Variants in CEACAM21 observed in about 807,000 individuals in gnomAD.
CEACAM21 encodes CEA cell adhesion molecule 21.
CEACAM21 carries 38 observed loss-of-function variants against 33.2 expected under a neutral mutation model. The ratio of observed to expected loss-of-function variants is 1.14; its 90% CI spans 0.88 to 1.50. CEACAM21 has a LOEUF of 1.50. Ranked by LOEUF, CEACAM21 falls within the 40% of genes most tolerant of loss-of-function variation. The probability of loss-of-function intolerance (pLI) is 0.00; values close to 1 mark genes in which losing one functional copy is unlikely to be tolerated. For missense variants in CEACAM21, 385 were observed against 364.6 expected, an observed-to-expected ratio of 1.06 and a Z score of -0.46; for synonymous variants, 156 against 143.0, an observed-to-expected ratio of 1.09 and a Z score of -0.65.
At chr19:41,563,214 C>T (rs572164979) in intron 1 of CEACAM21, among the ~76,000 whole-genome samples, 141 of 152,206 alleles carry the variant, frequency 9.3e-4, no homozygotes, top group Middle Eastern at 3.4e-3. Flanking sequence ...TGGTTCTGTT[C>T]TTTCTTAAGG....
chr19:41,561,045 A>G (rs2041853059), intron 1 of CEACAM21, among the ~76,000 whole-genome samples: 1 of 152,266 alleles, frequency 6.6e-6, no homozygotes, highest in African/African-American at 2.4e-5. Flanking sequence ...ATTATTGTCT[A>G]TATGGAAAAC....
intron 2 of CEACAM21, among the ~76,000 whole-genome samples, chr19:41,570,264 A>G (rs2042518414): frequency 6.6e-6 from 1 of 152,180 alleles, no homozygotes; most frequent in Non-Finnish European, 1.5e-5. Flanking sequence ...GAAGTGCTGA[A>G]GTGGAAAGTT....
chr19:41,579,210 A>G (rs2043179785), intron 2 of CEACAM21, 143 bp from the exon 3 acceptor site: 6 of 1,359,476 alleles, frequency 4.4e-6, no homozygotes, highest in Middle Eastern at 1.8e-4. Context: ...GCTCGCTGCT[A>G]TGGGTGTCTC....
At chr19:41,586,278 A>C in intron 6 of CEACAM21, 186 bp from the exon 7 acceptor site, 1 of 522,566 alleles carries the variant, frequency 1.9e-6, no homozygotes, top group Non-Finnish European at 3.6e-6. Context: ...GGCTGAGCTG[A>C]AGTTCAGGAA....
At chr19:41,554,143 G>A (rs527489920) in intron 1 of CEACAM21, among the ~76,000 whole-genome samples, 1 of 152,148 alleles carries the variant, frequency 6.6e-6, no homozygotes, top group South Asian at 2.1e-4. Flanking sequence ...TTCACTTCAT[G>A]CAGTTAATTC....
chr19:41,569,155 A>G (rs782406274), intron 2 of CEACAM21, among the ~76,000 whole-genome samples: 20 of 151,696 alleles, frequency 1.3e-4, no homozygotes, highest in Non-Finnish European at 2.8e-4. Flanking sequence ...CTGGTGGACT[A>G]TTGCATAGCA....
At chr19:41,554,830 A>T (rs542472469) in intron 1 of CEACAM21, 22 of 152,212 alleles carry the variant, frequency 1.4e-4, no homozygotes, top group African/African-American at 4.8e-4. Context: ...CTTCAACTTT[A>T]GTCAATATGT....
At chr19:41,580,348 G>A (rs934232693) in intron 3 of CEACAM21, among the ~76,000 whole-genome samples, 3 of 152,010 alleles carry the variant, frequency 2.0e-5, no homozygotes, top group African/African-American at 7.3e-5. Flanking sequence ...CAGCCAATCA[G>A]TTCTGCACCG....
chr19:41,580,141 G>GAATTGAAGTACTTCAATCTT (rs1367959219), intron 3 of CEACAM21, among the ~76,000 whole-genome samples: 1 of 152,058 alleles, frequency 6.6e-6, no homozygotes, highest in Non-Finnish European at 1.5e-5. Flanking sequence ...TTGAAGTACT[G>GAATTGAAGTACTTCAATCTT]AATTGAAGTA....
intron 1 of CEACAM21, among the ~76,000 whole-genome samples, chr19:41,559,981 G>A (rs181417166): frequency 3.9e-5 from 6 of 152,184 alleles, no homozygotes; most frequent in East Asian, 1.9e-4. Flanking sequence ...AATACAGAGA[G>A]ACTTCCTCTC....
At chr19:41,573,110 G>A (rs112232757), upstream of CEACAM21, among the ~76,000 whole-genome samples, 3 of 152,166 alleles carry the variant, frequency 2.0e-5, no homozygotes, top group Non-Finnish European at 2.9e-5. Flanking sequence ...TTGAGAGCCC[G>A]GGTCCCTTCC....
rs782336624 is a variant in CEACAM21, at chr19:41,579,534, C to G, written c.606C>G (p.Asp202Glu). The G allele has an allele frequency of 2.5e-6, 4 of 1,613,002 alleles. No individual in the cohort carries two copies. Among genetic ancestry groups the G allele is most frequent in the Non-Finnish European group, 3.4e-6 (4 of 1,179,376 alleles). ...LSWFNHVLTI[D>E]PIRQEDAGEY... ...GGTTTAACCATGTGCTCACCATAGACCCCATCAGGCAGGAGGACGCTGGGG... is the reference window on the plus strand; with the variant it reads ...GGTTTAACCATGTGCTCACCATAGAGCCCATCAGGCAGGAGGACGCTGGGG... The change falls in exon 3 of 7, where the codon GAC (aspartate) becomes GAG (glutamate). Residue 202 changes from aspartate (D) to glutamate (E), a missense_variant. Physicochemically the swap from Asp to Glu is conservative, Grantham distance 45. Transcript: ENST00000401445.
At chr19:41,571,370 C>A (rs1317570127), upstream of CEACAM21, among the ~76,000 whole-genome samples, 3 of 152,156 alleles carry the variant, frequency 2.0e-5, no homozygotes, top group Non-Finnish European at 2.9e-5. Flanking sequence ...GCTGCCTGTA[C>A]CTCACAGCAG....
At chr19:41,577,827 C>T (rs930886710) in intron 2 of CEACAM21, among the ~76,000 whole-genome samples, 3 of 152,168 alleles carry the variant, frequency 2.0e-5, no homozygotes, top group South Asian at 2.1e-4. Context: ...TCAGTCCAAC[C>T]CCCCTTGGCC....
intron 6 of CEACAM21, 173 bp from the exon 7 acceptor site, chr19:41,586,291 T>C (rs1013930838): frequency 3.8e-6 from 2 of 532,514 alleles, no homozygotes; most frequent in African/African-American, 1.9e-5. Flanking sequence ...TTCAGGAAAC[T>C]GCAGTGAAAA....
chr19:41,562,167 A>G (rs549709558), intron 1 of CEACAM21, among the ~76,000 whole-genome samples: 1 of 152,236 alleles, frequency 6.6e-6, no homozygotes, highest in East Asian at 1.9e-4. Context: ...AATCACTTGA[A>G]CCCAGGAGAC....
intron 2 of CEACAM21, among the ~76,000 whole-genome samples, chr19:41,568,679 G>A (rs62119421): frequency 0.04 from 6,080 of 152,244 alleles, 321 homozygotes; most frequent in African/African-American, 0.12. Context: ...TGCTGATTTG[G>A]TTACTATAGC....
At chr19:41,568,733 T>G (rs2042418673) in intron 2 of CEACAM21, among the ~76,000 whole-genome samples, 2 of 152,244 alleles carry the variant, frequency 1.3e-5, no homozygotes, top group Admixed American at 1.3e-4. Context: ...TGCCACTAGC[T>G]TTGTTCTATT....
intron 3 of CEACAM21, among the ~76,000 whole-genome samples, chr19:41,582,230 C>A (rs781997763): frequency 1.3e-5 from 2 of 152,252 alleles, no homozygotes; most frequent in Non-Finnish European, 2.9e-5. Context: ...CCAGGTCACA[C>A]TGATGCAAGA....
Sources: gnomAD v4.1 joint callset for allele counts (sites outside exome capture counted in the v4.1 genomes callset) on GRCh38, gnomAD v4.1.1 for gene constraint, MANE v1.5 for transcripts, NCBI Gene and HGNC (gene_info 2026-07-23, HGNC 2026-07-21) for gene names.